The following MACROD2 variants were observed in gnomAD, a reference collection of about 807,000 sequenced individuals.
MACROD2 encodes the protein mono-ADP ribosylhydrolase 2.
A neutral mutation model predicts 70.4 loss-of-function variants in MACROD2; 36 were observed. That is an observed-to-expected ratio of 0.51 (90% CI 0.39 to 0.68). MACROD2 has a LOEUF of 0.68. Ranked by LOEUF, MACROD2 falls within the 30% of genes least tolerant of loss-of-function variation. MACROD2 has a pLI of 0.00. For synonymous variants in MACROD2, 172 were observed against 178.8 expected (o/e 0.96, Z 0.30); for missense variants, 496 against 538.4 (o/e 0.92, Z 0.78).
chr20:14,735,602 C>T (rs2071654593), intron 5 of MACROD2, among the ~76,000 whole-genome samples: 1 of 152,110 alleles, frequency 6.6e-6, no homozygotes, highest in Non-Finnish European at 1.5e-5. Flanking sequence ...AATCCCAGCA[C>T]TTTAGGAGGC....
intron 7 of MACROD2, among the ~76,000 whole-genome samples, chr20:15,453,741 A>G (rs1329032908): frequency 6.6e-6 from 1 of 152,134 alleles, no homozygotes; most frequent in Non-Finnish European, 1.5e-5. Context: ...GATAAAGAAT[A>G]CCGCCCAGAG....
chr20:14,182,415 C>T (rs2081312002), intron 3 of MACROD2, among the ~76,000 whole-genome samples: 2 of 151,438 alleles, frequency 1.3e-5, no homozygotes, highest in African/African-American at 2.4e-5. Flanking sequence ...TATTTTTTTC[C>T]ATCCTTTGGG....
At chr20:14,017,426 T>G (rs781294857) in intron 2 of MACROD2, among the ~76,000 whole-genome samples, 4 of 152,180 alleles carry the variant, frequency 2.6e-5, no homozygotes, top group Non-Finnish European at 5.9e-5. Flanking sequence ...GCTTTCAGTC[T>G]TTCACCACTG....
chr20:15,034,885 C>G (rs2075301855), intron 5 of MACROD2, among the ~76,000 whole-genome samples: 1 of 152,110 alleles, frequency 6.6e-6, no homozygotes, highest in Admixed American at 6.6e-5. Flanking sequence ...CCTGGCCCTC[C>G]CATTTATACA....
At chr20:15,551,607 G>A (rs915654078) in intron 8 of MACROD2, among the ~76,000 whole-genome samples, 1 of 151,942 alleles carries the variant, frequency 6.6e-6, no homozygotes, top group Non-Finnish European at 1.5e-5. Flanking sequence ...GGCTGGGCGC[G>A]GTGGCTCACG....
chr20:15,114,932 A>G (rs1190508952), intron 5 of MACROD2, among the ~76,000 whole-genome samples: 1 of 152,162 alleles, frequency 6.6e-6, no homozygotes, highest in Non-Finnish European at 1.5e-5. Context: ...AAGAAGAATG[A>G]AAAAGAGGCT....
intron 6 of MACROD2, among the ~76,000 whole-genome samples, chr20:15,326,298 C>T (rs1179724865): frequency 1.3e-5 from 2 of 151,916 alleles, no homozygotes. Context: ...GTTTAAAATT[C>T]CAGCTTTACA....
At chr20:15,361,157 T>G (rs1282284030) in intron 6 of MACROD2, among the ~76,000 whole-genome samples, 8 of 152,196 alleles carry the variant, frequency 5.3e-5, no homozygotes. Flanking sequence ...GATACTTTTC[T>G]TCTACATTTT....
rs924675475 is a variant in MACROD2 at position 14,514,522 on chromosome 20, A to G, written c.301+21014A>G. On this transcript the variant is annotated intron_variant, in intron 4 of 17. Transcript: ENST00000684519. ...CCATGTGGAGAAAAGTTATCCACCA[A>G]TCTGAAACAATTACGTTAGACTACT... Among the ~76,000 whole-genome samples, 9 of 152,246 alleles carry G rather than the reference A, an allele frequency of 5.9e-5. 1 individual carries two copies. The highest frequency in any genetic ancestry group is 1.7e-4 in the African/African-American group (7 of 41,568).
chr20:14,704,428 C>G (rs1307822396), intron 5 of MACROD2, among the ~76,000 whole-genome samples: 1 of 152,064 alleles, frequency 6.6e-6, no homozygotes, highest in Non-Finnish European at 1.5e-5. Flanking sequence ...GGATCGGGCT[C>G]CAGTTACCCA....
chr20:14,482,424 C>G (rs1401406781), intron 3 of MACROD2, among the ~76,000 whole-genome samples: 1 of 151,254 alleles, frequency 6.6e-6, no homozygotes, highest in Admixed American at 6.6e-5. Context: ...ATTCCTTACT[C>G]TATATTCCTT....
At chr20:14,703,265 T>C (rs1224490853) in intron 5 of MACROD2, among the ~76,000 whole-genome samples, 2 of 152,108 alleles carry the variant, frequency 1.3e-5, no homozygotes, top group African/African-American at 2.4e-5. Context: ...TGGGAGGGAC[T>C]GTGTGGTAAA....
chr20:14,939,551 C>G (rs979820294), intron 5 of MACROD2, among the ~76,000 whole-genome samples: 5 of 152,068 alleles, frequency 3.3e-5, no homozygotes, highest in African/African-American at 1.2e-4. Context: ...TCTTTTTGCT[C>G]AGGATTACTT....
At chr20:16,012,022 C>G (rs1455892850) in intron 15 of MACROD2, among the ~76,000 whole-genome samples, 1 of 152,202 alleles carries the variant, frequency 6.6e-6, no homozygotes, top group Non-Finnish European at 1.5e-5. Flanking sequence ...TCAGCACCAT[C>G]AGCTACTTTC....
chr20:15,706,085 A>G (rs751169183), intron 8 of MACROD2, among the ~76,000 whole-genome samples: 9 of 152,238 alleles, frequency 5.9e-5, no homozygotes, highest in Non-Finnish European at 1.0e-4. Context: ...AAATGTTAGC[A>G]TCACGGAAAG....
At chr20:15,175,180 A>C (rs1351918519) in intron 5 of MACROD2, among the ~76,000 whole-genome samples, 2 of 151,478 alleles carry the variant, frequency 1.3e-5, no homozygotes, top group Non-Finnish European at 2.9e-5. Flanking sequence ...TCGCAAGAAC[A>C]AAAAACCAAA....
At chr20:15,486,512 C>T (rs1171165918) in intron 7 of MACROD2, among the ~76,000 whole-genome samples, 4 of 152,110 alleles carry the variant, frequency 2.6e-5, no homozygotes, top group Admixed American at 2.0e-4. Flanking sequence ...TATATGTTAC[C>T]GGTGAAGACA....
intron 5 of MACROD2, among the ~76,000 whole-genome samples, chr20:14,834,421 AT>A (rs1215367632): frequency 2.0e-5 from 3 of 152,020 alleles, no homozygotes; most frequent in African/African-American, 7.2e-5. Flanking sequence ...TGTAAAATAT[AT>A]TTGATGACTG....
intron 8 of MACROD2, among the ~76,000 whole-genome samples, chr20:15,572,176 T>G (rs2048384819): frequency 6.6e-6 from 1 of 152,072 alleles, no homozygotes; most frequent in Non-Finnish European, 1.5e-5. Context: ...CCTGTATATA[T>G]TCACTCAGAT....
Sources: gnomAD v4.1 joint callset for allele counts (sites outside exome capture counted in the v4.1 genomes callset) on GRCh38, gnomAD v4.1.1 for gene constraint, MANE v1.5 for transcripts, NCBI Gene and HGNC (gene_info 2026-07-23, HGNC 2026-07-21) for gene names.